CEP170: variants seen among roughly 807,000 people sequenced by gnomAD.
CEP170 encodes centrosomal protein 170.
CEP170 carries 21 observed loss-of-function variants against 151.9 expected under a neutral mutation model. The ratio of observed to expected loss-of-function variants is 0.14; its 90% CI spans 0.10 to 0.20. CEP170 has a LOEUF of 0.20. CEP170 is among the 10% of genes least tolerant of loss of function. The pLI, the probability that CEP170 is intolerant of heterozygous loss-of-function variation, is 1.00. For synonymous variants in CEP170, 356 were observed against 648.8 expected (o/e 0.55, Z 6.86); for missense variants, 964 against 1,892.9 (o/e 0.51, Z 9.11).
At chr1:243,131,704 A>C (rs2054436512) in intron 17 of CEP170, among the ~76,000 whole-genome samples, 1 of 152,086 alleles carries the variant, frequency 6.6e-6, no homozygotes, top group Non-Finnish European at 1.5e-5. Context: ...TTTTGTTTGA[A>C]GGTCCTTATC....
chr1:243,161,627 G>A (rs1474282291), intron 13 of CEP170, among the ~76,000 whole-genome samples: 2 of 151,912 alleles, frequency 1.3e-5, no homozygotes, highest in Non-Finnish European at 2.9e-5. Context: ...ATGAAACACT[G>A]TGCTGGCCTA....
At chr1:243,211,018 G>A (rs1316587623) in intron 4 of CEP170, among the ~76,000 whole-genome samples, 1 of 150,624 alleles carries the variant, frequency 6.6e-6, no homozygotes, top group Non-Finnish European at 1.5e-5. Flanking sequence ...TTTCTGCTAC[G>A]GTGACAAAAG....
chr1:243,225,964 T>C (rs780851854), intron 1 of CEP170, among the ~76,000 whole-genome samples: 6 of 148,102 alleles, frequency 4.1e-5, no homozygotes, highest in Admixed American at 6.8e-5. Flanking sequence ...ACATGGGCAA[T>C]ACATATCTAT....
In CEP170 at chr1:243,165,148, C is replaced by A. The variant is rs1214938496; in HGVS notation, c.2812G>T (p.Ala938Ser). The A allele has an allele frequency of 1.9e-6, 3 of 1,613,474 alleles. No homozygotes were observed. In the East Asian group the frequency reaches 6.7e-5, roughly 36 times the overall value. ...SISPESDVDT[A>S]STISLVTGET... is the part of the protein sequence containing the mutation. ...CCAGTAACCAGACTGATTGTACTAGCTGTATCTACATCAGATTCTGGTGAA... is the reference window on the plus strand; with the variant it reads ...CCAGTAACCAGACTGATTGTACTAGATGTATCTACATCAGATTCTGGTGAA... Residue 938 changes from alanine to serine, a missense_variant, in exon 13 of 20, where the codon GCT becomes TCT. Transcript: ENST00000366542.
At chr1:243,158,501 C>A (rs1339176429) in intron 13 of CEP170, among the ~76,000 whole-genome samples, 1 of 152,084 alleles carries the variant, frequency 6.6e-6, no homozygotes, top group Non-Finnish European at 1.5e-5. Context: ...GCATCGATGG[C>A]TGATACATTT....
intron 2 of CEP170, among the ~76,000 whole-genome samples, chr1:243,222,349 A>G (rs2062895701): frequency 6.6e-6 from 1 of 152,252 alleles, no homozygotes; most frequent in Non-Finnish European, 1.5e-5. Context: ...TAAGAGGGAA[A>G]GGGACTGAAA....
At chr1:243,208,518 C>T (rs2061566201) in intron 4 of CEP170, among the ~76,000 whole-genome samples, 1 of 151,974 alleles carries the variant, frequency 6.6e-6, no homozygotes, top group South Asian at 2.1e-4. Flanking sequence ...CTTTTAAATG[C>T]TATTCCTCCA....
intron 6 of CEP170, among the ~76,000 whole-genome samples, chr1:243,199,987 T>C (rs969940820): frequency 6.6e-6 from 1 of 151,986 alleles, no homozygotes; most frequent in East Asian, 1.9e-4. Flanking sequence ...AGGTTCTGCA[T>C]CCATGGGTTC....
At chr1:243,162,080 C>T (rs1254816046) in intron 13 of CEP170, among the ~76,000 whole-genome samples, 30 of 152,148 alleles carry the variant, frequency 2.0e-4, no homozygotes, top group Admixed American at 1.8e-3. Flanking sequence ...TGGCTTTACA[C>T]TCATAAGGTG....
At chr1:243,219,757 A>G (rs186688670) in intron 3 of CEP170, among the ~76,000 whole-genome samples, 72 of 152,384 alleles carry the variant, frequency 4.7e-4, no homozygotes, top group African/African-American at 1.5e-3. Flanking sequence ...AAAATTTTTC[A>G]CTATAAATTC....
intron 1 of CEP170, among the ~76,000 whole-genome samples, chr1:243,244,478 C>T (rs2065169903): frequency 6.6e-6 from 1 of 152,204 alleles, no homozygotes; most frequent in Non-Finnish European, 1.5e-5. Context: ...AGCCGTGGCT[C>T]ACGCCTGTAA....
intron 10 of CEP170, among the ~76,000 whole-genome samples, chr1:243,179,450 C>T (rs2059476100): frequency 6.6e-6 from 1 of 152,190 alleles, no homozygotes; most frequent in Non-Finnish European, 1.5e-5. Context: ...ATTTCTTCTT[C>T]TTCTGAGACT....
intron 17 of CEP170, among the ~76,000 whole-genome samples, chr1:243,131,515 AC>A (rs1572127393): frequency 6.6e-6 from 1 of 152,112 alleles, no homozygotes; most frequent in Non-Finnish European, 1.5e-5. Flanking sequence ...AAACAAAAAA[AC>A]AAAAAACAAT....
intron 1 of CEP170, among the ~76,000 whole-genome samples, chr1:243,244,046 G>A (rs984270987): frequency 6.6e-6 from 1 of 151,668 alleles, no homozygotes; most frequent in South Asian, 2.1e-4. Context: ...TAGTACATTC[G>A]GAAAATGTAA....
At chr1:243,156,530 C>CA in intron 13 of CEP170, 75 bp from the exon 14 acceptor site, 2 of 1,387,602 alleles carry the variant, frequency 1.4e-6, no homozygotes, top group Non-Finnish European at 1.9e-6. Flanking sequence ...GTCATGACTT[C>CA]AAAACACCAT....
In CEP170 at chr1:243,148,265, C is replaced by T. The variant is rs191859958; in HGVS notation, c.3912-5802G>A. On this transcript the variant is annotated intron_variant, in intron 14 of 19. Coordinates refer to ENST00000366542, the MANE Select transcript of CEP170 (RefSeq NM_014812.3). ...AAGACTCTAGGCATCATTTATTCAACAAAATTTATTTGGTATCAGTATCAG... is the reference window on the plus strand; with the variant it reads ...AAGACTCTAGGCATCATTTATTCAATAAAATTTATTTGGTATCAGTATCAG... Among the ~76,000 whole-genome samples, 3 of 151,808 alleles carry T rather than the reference C, an allele frequency of 2.0e-5. No homozygotes were observed. The East Asian group carries it at 5.9e-4, about 30-fold the overall frequency.
intron 14 of CEP170, among the ~76,000 whole-genome samples, chr1:243,154,054 C>A (rs1459376992): frequency 6.6e-6 from 1 of 152,236 alleles, no homozygotes; most frequent in South Asian, 2.1e-4. Flanking sequence ...ACCAAATATG[C>A]CATATCTCGC....
At chr1:243,224,444 G>A in intron 2 of CEP170, among the ~76,000 whole-genome samples, 1 of 150,086 alleles carries the variant, frequency 6.7e-6, no homozygotes, top group African/African-American at 2.5e-5. Flanking sequence ...AACAACAGCT[G>A]ATGAACTAAA....
chr1:243,204,754 T>C (rs1387947196), intron 4 of CEP170, among the ~76,000 whole-genome samples: 4 of 152,194 alleles, frequency 2.6e-5, no homozygotes, highest in East Asian at 3.9e-4. Context: ...TTCAGTCTTA[T>C]GGTTTTAAAT....
Sources: allele counts gnomAD v4.1 joint callset (sites outside exome capture counted in the v4.1 genomes callset), GRCh38; gene constraint gnomAD v4.1.1; transcripts MANE v1.5; gene names NCBI Gene and HGNC (gene_info 2026-07-23, HGNC 2026-07-21).